Variants in CAMTA1 observed in about 807,000 individuals in gnomAD.
The protein encoded by CAMTA1 is calmodulin binding transcription activator 1, also known as calmodulin-binding transcription activator 1.
CAMTA1 carries 27 observed loss-of-function variants against 170.9 expected under a neutral mutation model. The observed-to-expected ratio is 0.16, with a 90% CI of 0.12 to 0.22. The LOEUF (loss-of-function observed/expected upper bound fraction) is 0.22. CAMTA1 is among the 10% of genes least tolerant of loss of function. The pLI, the probability that CAMTA1 is intolerant of heterozygous loss-of-function variation, is 1.00. For missense variants in CAMTA1, 1,619 were observed against 2,217.2 expected (o/e 0.73, Z 5.42); for synonymous variants, 833 against 891.5 (o/e 0.93, Z 1.17).
At chr1:6,849,635 T>A (rs1557691886) in intron 3 of CAMTA1, among the ~76,000 whole-genome samples, 1 of 149,804 alleles carries the variant, frequency 6.7e-6, no homozygotes, top group Admixed American at 6.7e-5. Flanking sequence ...AAAAAAAAAA[T>A]TATATATATA....
chr1:7,298,750 G>T (rs1674340278), intron 5 of CAMTA1, among the ~76,000 whole-genome samples: 2 of 152,052 alleles, frequency 1.3e-5, no homozygotes, highest in Admixed American at 6.5e-5. Flanking sequence ...ATTGTGTTAG[G>T]TTCTGAAGCT....
intron 3 of CAMTA1, among the ~76,000 whole-genome samples, chr1:6,903,640 C>G (rs1281411933): frequency 6.6e-6 from 1 of 152,178 alleles, no homozygotes; most frequent in African/African-American, 2.4e-5. Flanking sequence ...GGTGAGTAAC[C>G]CATGTTTCTG....
intron 4 of CAMTA1, among the ~76,000 whole-genome samples, chr1:7,199,829 A>T (rs934881728): frequency 6.6e-6 from 1 of 152,218 alleles, no homozygotes; most frequent in African/African-American, 2.4e-5. Context: ...AAATAACAAT[A>T]AAATGGATAG....
intron 1 of CAMTA1, among the ~76,000 whole-genome samples, chr1:6,790,173 G>A (rs1466390651): frequency 6.6e-6 from 1 of 151,930 alleles, no homozygotes; most frequent in African/African-American, 2.4e-5. Flanking sequence ...ATATAGTCTT[G>A]CAAGGAATTT....
At chr1:7,208,615 G>A (rs1658192764) in intron 4 of CAMTA1, among the ~76,000 whole-genome samples, 1 of 152,202 alleles carries the variant, frequency 6.6e-6, no homozygotes, top group Non-Finnish European at 1.5e-5. Context: ...GCTCTTGTGG[G>A]TCCGAGAAGA....
At chr1:7,084,981 TA>T (rs1640543128) in intron 3 of CAMTA1, among the ~76,000 whole-genome samples, 1 of 152,278 alleles carries the variant, frequency 6.6e-6, no homozygotes, top group Non-Finnish European at 1.5e-5. Flanking sequence ...CTAGAAATTT[TA>T]AAAATCTTTT....
At chr1:7,747,829 G>T (rs1487410935) in intron 19 of CAMTA1, 48 bp downstream of exon 19, 2 of 1,366,574 alleles carry the variant, frequency 1.5e-6, no homozygotes, top group Non-Finnish European at 2.1e-6. Flanking sequence ...CCCACCCAAG[G>T]CCACTGAAGA....
intron 11 of CAMTA1, among the ~76,000 whole-genome samples, chr1:7,691,462 T>C (rs1317153474): frequency 1.3e-5 from 2 of 152,012 alleles, no homozygotes; most frequent in East Asian, 1.9e-4. Flanking sequence ...GGAGAACAGA[T>C]TGAAGGAGGC....
chr1:7,462,553 C>A (rs2093115675), intron 5 of CAMTA1, among the ~76,000 whole-genome samples: 1 of 152,194 alleles, frequency 6.6e-6, no homozygotes, highest in Non-Finnish European at 1.5e-5. Context: ...CCACACCCGG[C>A]CTAACTACCT....
intron 11 of CAMTA1, among the ~76,000 whole-genome samples, chr1:7,724,089 G>A (rs1216604470): frequency 1.3e-5 from 2 of 152,210 alleles, no homozygotes; most frequent in African/African-American, 2.4e-5. Flanking sequence ...AAAGTGCTGG[G>A]ATTACAGGCG....
At chr1:7,760,346 G>A (rs776610878) in intron 22 of CAMTA1, among the ~76,000 whole-genome samples, 16 of 152,152 alleles carry the variant, frequency 1.1e-4, no homozygotes, top group African/African-American at 3.6e-4. Context: ...TGAAAATTAC[G>A]CTTACACTTT....
chr1:6,949,064 A>G (rs7545138), intron 3 of CAMTA1, among the ~76,000 whole-genome samples: 150,322 of 152,320 alleles, frequency 0.99, 74,197 homozygotes, highest in Middle Eastern at 1. Context: ...TGTTCAAGCA[A>G]ACTCCTGTCT....
intron 5 of CAMTA1, among the ~76,000 whole-genome samples, chr1:7,359,572 C>T (rs2149964316): frequency 6.6e-6 from 1 of 152,368 alleles, no homozygotes; most frequent in South Asian, 2.1e-4. Flanking sequence ...TCAGCTCCCT[C>T]TTCCTGCTCT....
chr1:7,659,659 C>G (rs1184739233), intron 7 of CAMTA1, among the ~76,000 whole-genome samples: 1 of 152,136 alleles, frequency 6.6e-6, no homozygotes, highest in Non-Finnish European at 1.5e-5. Context: ...CGGGGCTGAG[C>G]CATCTGTGGA....
At position 7,544,991 on chromosome 1, in the gene CAMTA1, C is replaced by T. The variant is rs1221370961; in HGVS notation, c.510+77090C>T. Among the ~76,000 whole-genome samples the T allele has an allele frequency of 2.0e-5, 3 of 152,140 alleles. No individual in the cohort carries two copies. The East Asian group carries it at 5.8e-4, about 29-fold the overall frequency. On this transcript the variant is annotated intron_variant, in intron 6 of 22. Coordinates refer to ENST00000303635, the MANE Select transcript of CAMTA1 (RefSeq NM_015215.4). ...CCACATGGCCCCACCCCCAACACTG[C>T]CACACTGGAAATCAAATTTCAGCAT...
intron 3 of CAMTA1, among the ~76,000 whole-genome samples, chr1:6,997,392 C>T (rs1351821541): frequency 6.6e-6 from 1 of 152,082 alleles, no homozygotes; most frequent in Non-Finnish European, 1.5e-5. Flanking sequence ...GGCCAAATTC[C>T]GAGGTGCATA....
At chr1:7,316,595 T>C (rs1677540099) in intron 5 of CAMTA1, among the ~76,000 whole-genome samples, 1 of 152,216 alleles carries the variant, frequency 6.6e-6, no homozygotes, top group Admixed American at 6.5e-5. Context: ...CATCTAGTGT[T>C]CGTAACAATT....
intron 11 of CAMTA1, among the ~76,000 whole-genome samples, chr1:7,702,017 C>T (rs1019295314): frequency 6.6e-6 from 1 of 152,154 alleles, no homozygotes; most frequent in Non-Finnish European, 1.5e-5. Flanking sequence ...CTCTGCCTGA[C>T]TTTCCAAGAA....
chr1:7,497,168 G>A (rs2093842230), intron 6 of CAMTA1, among the ~76,000 whole-genome samples: 2 of 152,318 alleles, frequency 1.3e-5, no homozygotes, highest in South Asian at 2.1e-4. Context: ...TCAGACGGGA[G>A]AAGCTGCCCG....
Sources: gnomAD v4.1 joint callset for allele counts (sites outside exome capture counted in the v4.1 genomes callset) on GRCh38, gnomAD v4.1.1 for gene constraint, MANE v1.5 for transcripts, NCBI Gene and HGNC (gene_info 2026-07-23, HGNC 2026-07-21) for gene names.